Variants in PTGES3L observed in about 807,000 individuals in gnomAD.
PTGES3L encodes the protein putative protein PTGES3L.
PTGES3L carries 17 observed loss-of-function variants against 25.0 expected under a neutral mutation model. The ratio of observed to expected loss-of-function variants is 0.68; its 90% confidence interval spans 0.47 to 1.02. The LOEUF is 1.02. Ranked by LOEUF, PTGES3L falls within the 50% of genes least tolerant of loss-of-function variation. PTGES3L has a pLI of 0.00. For synonymous variants in PTGES3L, 59 were observed against 65.7 expected, an observed-to-expected ratio of 0.90 and a Z score of 0.50; for missense variants, 202 against 197.5, an observed-to-expected ratio of 1.02 and a Z score of -0.14.
At position 42,969,205 on chromosome 17, in the gene PTGES3L, A is replaced by AAG; in HGVS notation, c.433-20_433-19insCT. 1 of 1,347,414 alleles carries AAG rather than the reference A, an allele frequency of 7.4e-7. No homozygotes were observed. Among genetic ancestry groups the AAG allele is most frequent in the Non-Finnish European group, 1.0e-6 (1 of 968,318 alleles). The allele number at this position is 1,347,414 out of a possible 1,614,324, so 83.5% of individuals were successfully genotyped here. A position where few individuals can be genotyped will look rare whatever the true frequency, so the allele number is the denominator to read the frequency against. ...AATCATCCTGGGGGCGGGGGGGAAA[A>AAG]AAGACAAAGCACCTGTAGACCCTGC... On this transcript the variant is annotated intron_variant, in intron 6 of 6. Coordinates refer to ENST00000591916, the MANE Select transcript of PTGES3L (RefSeq NM_001261430.2).
intron 4 of PTGES3L, among the ~76,000 whole-genome samples, chr17:42,978,320 T>A (rs1017914599): frequency 1.3e-5 from 2 of 151,216 alleles, no homozygotes; most frequent in African/African-American, 2.4e-5. Flanking sequence ...GGAAGGAGAA[T>A]CGCTTGAACC....
chr17:42,968,806 C>A lies in PTGES3L; in HGVS notation c.*342G>T. On this transcript the variant is annotated 3_prime_UTR_variant, in exon 7 of 7. Transcript: ENST00000591916. The stretch of plus-strand genomic sequence containing the variant: ...CCATATGCACACATAGTAGAGATTT[C>A]TATAATCTGCATTCTTCTTTGGCTT... The A allele has an allele frequency of 4.1e-6, 1 of 246,366 alleles. No homozygotes were observed. 15.3% of individuals were successfully genotyped at this position (246,366 alleles called of 1,614,324 possible).
intron 5 of PTGES3L, among the ~76,000 whole-genome samples, chr17:42,971,076 T>A (rs2151947547): frequency 6.6e-6 from 1 of 151,762 alleles, no homozygotes; most frequent in African/African-American, 2.4e-5. Context: ...GGCAGGTGGA[T>A]CACCTGAGGT....
chr17:42,971,654 C>G lies in PTGES3L; in HGVS notation c.331G>C (p.Glu111Gln), dbSNP rs2151947801. The change falls in exon 5 of 7, where the codon GAA becomes CAA. Residue 111 changes from glutamate (E) to glutamine (Q), a missense_variant. Coordinates refer to ENST00000591916, the MANE Select transcript of PTGES3L (RefSeq NM_001261430.2). ...GCCAGCTCCATCTCTTCATCCCCTT[C>G]CCAGTCTCTCCAGTTATCAAAGTCC... ...SVDFDNWRDW[E>Q]GDEEMELAHV... 1.2e-6 allele frequency: 2 copies of G among 1,614,094 alleles called. No homozygotes were observed. Among genetic ancestry groups the G allele is most frequent in the East Asian group, 2.2e-5 (1 of 44,878 alleles).
intron 4 of PTGES3L, among the ~76,000 whole-genome samples, chr17:42,977,411 G>C (rs2049973423): frequency 7.3e-6 from 1 of 136,228 alleles, no homozygotes; most frequent in Admixed American, 7.8e-5. Flanking sequence ...GGGTGACAGA[G>C]TGAGACTCTA....
chr17:42,972,556 G>A (rs1158266902), intron 4 of PTGES3L, among the ~76,000 whole-genome samples: 5 of 152,238 alleles, frequency 3.3e-5, no homozygotes, highest in African/African-American at 1.2e-4. Context: ...GCCCCTAACC[G>A]CGAGTGATCC....
At position 42,979,268 on chromosome 17, in the gene PTGES3L, C is replaced by G. The variant is rs1362380202; in HGVS notation, c.190G>C (p.Asp64His). The change falls in exon 4 of 7, where the codon GAC becomes CAC. Residue 64 changes from aspartate (D) to histidine (H), a missense_variant and splice_region_variant. Physicochemically the swap from Asp to His is moderately conservative, Grantham distance 81 (BLOSUM62 -1). Transcript: ENST00000591916. ...IEFYAKVNSK[D>H]SQDKRSSRSI... ...CGGGAAGAGCGCTTATCCTGGGAGTCCTGCCAGATAGAGAGCCTCATTCTT... is the reference window on the plus strand; with the variant it reads ...CGGGAAGAGCGCTTATCCTGGGAGTGCTGCCAGATAGAGAGCCTCATTCTT... The G allele has an allele frequency of 8.1e-6, 13 of 1,614,022 alleles. No individual in the cohort carries two copies. The highest frequency in any genetic ancestry group is 1.1e-5 in the Non-Finnish European group (13 of 1,180,000).
At position 42,968,195 on chromosome 17, in the gene PTGES3L, C is replaced by G. The variant is rs1273783331; in HGVS notation, c.*953G>C. Reference sequence around the variant, plus strand: ...ATGGACAAATAGAATAGCTGTTGGACAAATAAACATAGACATTAACTAGAG... The same window carrying G: ...ATGGACAAATAGAATAGCTGTTGGAGAAATAAACATAGACATTAACTAGAG... On this transcript the variant is annotated 3_prime_UTR_variant, in exon 7 of 7. Coordinates refer to ENST00000591916, the MANE Select transcript of PTGES3L (RefSeq NM_001261430.2). 2 of 151,976 alleles carry G rather than the reference C, an allele frequency of 1.3e-5. No individual in the cohort carries two copies. Among genetic ancestry groups the G allele is most frequent in the African/African-American group, 4.8e-5 (2 of 41,386 alleles). 9.4% of individuals were successfully genotyped at this position (151,976 alleles called of 1,614,324 possible).
chr17:42,976,599 C>T (rs749777060), intron 4 of PTGES3L, among the ~76,000 whole-genome samples: 1 of 152,090 alleles, frequency 6.6e-6, no homozygotes, highest in Non-Finnish European at 1.5e-5. Context: ...GGGCTGGTCT[C>T]CAACTCCTGA....
chr17:42,972,733 C>A (rs929217903), intron 4 of PTGES3L, among the ~76,000 whole-genome samples: 1 of 152,036 alleles, frequency 6.6e-6, no homozygotes, highest in Admixed American at 6.6e-5. Context: ...CAGCCTCTGC[C>A]CGGCCGCCAC....
rs1239716907 is a variant in PTGES3L at position 42,977,649 on chromosome 17, G to A, written c.288+1521C>T. ...GAAGAAAAAGAAAGAAAGAGAGAGA[G>A]GGGGAGGGAGGAAGGGAGGGAGAGA... On this transcript the variant is annotated intron_variant, in intron 4 of 6. Coordinates refer to ENST00000591916, the MANE Select transcript of PTGES3L (RefSeq NM_001261430.2). 3.6e-4 allele frequency among the ~76,000 whole-genome samples: 51 copies of A among 143,400 alleles called. 1 individual carries two copies. Among genetic ancestry groups the A allele is most frequent in the Admixed American group, 3.0e-3 (43 of 14,436 alleles). The allele number at this position is 143,400 out of a possible 152,430, so 94.1% of individuals were successfully genotyped here. A position where few individuals can be genotyped will look rare whatever the true frequency, so the allele number is the denominator to read the frequency against.
chr17:42,975,389 T>A (rs2049936185), intron 4 of PTGES3L, among the ~76,000 whole-genome samples: 1 of 152,122 alleles, frequency 6.6e-6, no homozygotes, highest in Non-Finnish European at 1.5e-5. Context: ...AAGGCATACC[T>A]TGAGCAAAGG....
At chr17:42,977,999 A>T (rs549596856) in intron 4 of PTGES3L, among the ~76,000 whole-genome samples, 345 of 126,642 alleles carry the variant, frequency 2.7e-3, no homozygotes, top group African/African-American at 9.6e-3. Context: ...AATCGCTTGA[A>T]TCTGGGAGGC....
intron 4 of PTGES3L, among the ~76,000 whole-genome samples, chr17:42,973,198 G>C (rs1241429984): frequency 1.4e-5 from 2 of 147,136 alleles, no homozygotes; most frequent in African/African-American, 2.5e-5. Context: ...GGTGGGGGGG[G>C]GTCAGCCCCC....
intron 4 of PTGES3L, among the ~76,000 whole-genome samples, chr17:42,972,780 C>T (rs1233093894): frequency 6.6e-6 from 1 of 151,034 alleles, no homozygotes; most frequent in Non-Finnish European, 1.5e-5. Context: ...TGCCTGGCCG[C>T]CCATCGTCTG....
chr17:42,979,525 G>T (rs776351850), intron 2 of PTGES3L, 25 bp downstream of exon 2: 1 of 1,614,076 alleles, frequency 6.2e-7, no homozygotes, highest in African/African-American at 1.3e-5. Flanking sequence ...TGGGAAGCCA[G>T]GCCCTCGGAC....
In PTGES3L at chr17:42,975,564, A is replaced by T. The variant is rs575459561; in HGVS notation, c.288+3606T>A. Among the ~76,000 whole-genome samples the T allele has an allele frequency of 1.1e-4, 17 of 152,322 alleles. No individual in the cohort carries two copies. The East Asian group carries it at 1.5e-3, about 14-fold the overall frequency. ...AATCAAACGCTCAAATACCCAAGAG[A>T]GTCAGGGAGGTAATGAAAAGGAGCA... is the stretch of plus-strand genomic sequence containing the variant. On this transcript the variant is annotated intron_variant, in intron 4 of 6. Transcript: ENST00000591916.
At chr17:42,979,496 T>C (rs2050033146) in intron 2 of PTGES3L, 52 bp from the exon 3 acceptor site, 2 of 1,613,936 alleles carry the variant, frequency 1.2e-6, no homozygotes, top group South Asian at 1.1e-5. Context: ...GTGGGGACAT[T>C]AGGAAAGGGG....
chr17:42,979,045 T>C (rs531981221), intron 4 of PTGES3L, 125 bp downstream of exon 4: 2 of 971,952 alleles, frequency 2.1e-6, no homozygotes, highest in African/African-American at 3.3e-5. Flanking sequence ...CTAATACAGT[T>C]GGAAAAAAAA....
Sources: allele counts gnomAD v4.1 joint callset (sites outside exome capture counted in the v4.1 genomes callset), GRCh38; gene constraint gnomAD v4.1.1; transcripts MANE v1.5; gene names NCBI Gene and HGNC (gene_info 2026-07-23, HGNC 2026-07-21).